The following CATSPERT variants were observed in gnomAD, a reference collection of about 807,000 sequenced individuals.
CATSPERT encodes the protein catsper channel auxiliary subunit tau.
At chr2:201,524,882 T>C in the CATSPERT span, among the ~76,000 whole-genome samples, 1 of 152,134 alleles carries the variant, frequency 6.6e-6, no homozygotes, top group South Asian at 2.1e-4. Flanking sequence ...AGACATTACG[T>C]AAGATAAAGG....
chr2:201,505,261 T>G, the CATSPERT span, among the ~76,000 whole-genome samples: 7 of 152,152 alleles, frequency 4.6e-5, no homozygotes, highest in Non-Finnish European at 8.8e-5. Flanking sequence ...TTTTGTATTT[T>G]TAGTAGAGGA....
the CATSPERT span, among the ~76,000 whole-genome samples, chr2:201,531,959 G>A: frequency 6.6e-6 from 1 of 152,216 alleles, no homozygotes; most frequent in Non-Finnish European, 1.5e-5. Context: ...CGGTCTGGCT[G>A]CTATGAGAAG....
the CATSPERT span, among the ~76,000 whole-genome samples, chr2:201,570,270 C>T: frequency 6.6e-6 from 1 of 152,078 alleles, no homozygotes; most frequent in Non-Finnish European, 1.5e-5. Flanking sequence ...CATCCCCTGC[C>T]CTTAATATCC....
At chr2:201,590,341 T>C in the CATSPERT span, among the ~76,000 whole-genome samples, 17 of 152,170 alleles carry the variant, frequency 1.1e-4, no homozygotes, top group African/African-American at 3.6e-4. Context: ...CTGCATAGTA[T>C]TCCATGGTGT....
At chr2:201,614,719 T>C in the CATSPERT span, among the ~76,000 whole-genome samples, 3 of 152,170 alleles carry the variant, frequency 2.0e-5, no homozygotes, top group African/African-American at 7.2e-5. Flanking sequence ...ATATTAACCT[T>C]AAATGTAAAT....
chr2:201,607,541 C>T, the CATSPERT span, among the ~76,000 whole-genome samples: 2 of 151,998 alleles, frequency 1.3e-5, no homozygotes, highest in Non-Finnish European at 2.9e-5. Context: ...TGCCTGTGGG[C>T]TGAGGTAGGA....
the CATSPERT span, among the ~76,000 whole-genome samples, chr2:201,573,886 G>A: frequency 6.6e-6 from 1 of 152,048 alleles, no homozygotes; most frequent in Non-Finnish European, 1.5e-5. Flanking sequence ...CGAACTCCCA[G>A]CCTCAGGTGA....
At chr2:201,585,464 T>C in the CATSPERT span, among the ~76,000 whole-genome samples, 1 of 147,594 alleles carries the variant, frequency 6.8e-6, no homozygotes, top group East Asian at 2.0e-4. Flanking sequence ...CTAACTCTCA[T>C]AGGAAAAATA....
chr2:201,529,924 C>A, the CATSPERT span, among the ~76,000 whole-genome samples: 3 of 151,924 alleles, frequency 2.0e-5, no homozygotes, highest in Non-Finnish European at 4.4e-5. Context: ...AACAAATAAC[C>A]TAATTTTAAA....
At chr2:201,594,995 G>A in the CATSPERT span, among the ~76,000 whole-genome samples, 6 of 152,112 alleles carry the variant, frequency 3.9e-5, no homozygotes, top group African/African-American at 7.2e-5. Flanking sequence ...GTCATTCTCC[G>A]TCCAGCTTTG....
the CATSPERT span, among the ~76,000 whole-genome samples, chr2:201,586,508 A>G: frequency 6.6e-6 from 1 of 152,136 alleles, no homozygotes; most frequent in Non-Finnish European, 1.5e-5. Flanking sequence ...TATATTAACT[A>G]CTACACTAAC....
the CATSPERT span, chr2:201,603,241 C>A: frequency 1.2e-6 from 2 of 1,611,626 alleles, no homozygotes; most frequent in East Asian, 2.2e-5. Context: ...CATAAAATGT[C>A]TGCAGTTCTT....
the CATSPERT span, among the ~76,000 whole-genome samples, chr2:201,617,386 C>T: frequency 6.6e-6 from 1 of 152,046 alleles, no homozygotes; most frequent in Admixed American, 6.5e-5. Flanking sequence ...CAGAATAGAG[C>T]CCCCGGAAAT....
At chr2:201,554,626 TAAC>T in the CATSPERT span, 1 of 152,182 alleles carries the variant, frequency 6.6e-6, no homozygotes, top group South Asian at 2.1e-4. Flanking sequence ...TATAGCAAGT[TAAC>T]ATCATCTCTC....
chr2:201,512,649 A>G, the CATSPERT span, among the ~76,000 whole-genome samples: 1 of 152,040 alleles, frequency 6.6e-6, no homozygotes, highest in Admixed American at 6.6e-5. Flanking sequence ...GTATTATTCC[A>G]TTGTATGGAT....
At chr2:201,552,188 T>C in the CATSPERT span, among the ~76,000 whole-genome samples, 32 of 129,958 alleles carry the variant, frequency 2.5e-4, no homozygotes, top group Admixed American at 9.4e-4. Context: ...TTCACCATGT[T>C]GCCCAGGCTG....
chr2:201,555,920 C>T, the CATSPERT span: 1 of 152,090 alleles, frequency 6.6e-6, no homozygotes, highest in African/African-American at 2.4e-5. Context: ...AATTACAATG[C>T]AACAAGGAAA....
chr2:201,547,557 G>A, the CATSPERT span: 1 of 1,558,430 alleles, frequency 6.4e-7, no homozygotes, highest in Non-Finnish European at 8.7e-7. Context: ...TAAATAGTTA[G>A]CTTTATCTAT....
chr2:201,530,961 G>GTTTTTTTTTTTT, the CATSPERT span, among the ~76,000 whole-genome samples: 61 of 106,032 alleles, frequency 5.8e-4, no homozygotes, highest in East Asian at 1.8e-3. Flanking sequence ...TTTTTTGTGG[G>GTTTTTTTTTTTT]TTTTTTTTTT....
Sources: allele counts gnomAD v4.1 joint callset (sites outside exome capture counted in the v4.1 genomes callset), GRCh38; gene constraint gnomAD v4.1.1; transcripts MANE v1.5; gene names NCBI Gene and HGNC (gene_info 2026-07-23, HGNC 2026-07-21).